The following ARMC8 variants were observed in gnomAD, a reference collection of about 807,000 sequenced individuals.
ARMC8 encodes the protein armadillo repeat-containing protein 8.
ARMC8 carries 20 observed loss-of-function variants against 99.3 expected under a neutral mutation model. The observed-to-expected ratio is 0.20, with a 90% CI of 0.14 to 0.29. ARMC8 has a LOEUF of 0.29. Among genes scored for constraint, ARMC8 ranks in the 10% least tolerant of loss-of-function variants. The probability of loss-of-function intolerance (pLI) is 1.00; values close to 1 mark genes in which losing one functional copy is unlikely to be tolerated. For synonymous variants in ARMC8, 263 were observed against 278.3 expected, an observed-to-expected ratio of 0.95 and a Z score of 0.55; for missense variants, 569 against 809.5, an observed-to-expected ratio of 0.70 and a Z score of 3.60.
At chr3:138,205,331 G>C (rs1263480515) in intron 1 of ARMC8, among the ~76,000 whole-genome samples, 1 of 151,894 alleles carries the variant, frequency 6.6e-6, no homozygotes, top group Non-Finnish European at 1.5e-5. Flanking sequence ...TTACAGGCGT[G>C]AGCCACCACG....
chr3:138,267,934 A>C (rs1341921726), intron 15 of ARMC8, among the ~76,000 whole-genome samples: 1 of 152,142 alleles, frequency 6.6e-6, no homozygotes, highest in Non-Finnish European at 1.5e-5. Flanking sequence ...TAATTAAGAA[A>C]GGTAGTATTA....
At chr3:138,223,253 TA>T in intron 3 of ARMC8, 135 bp from the exon 4 acceptor site, 1 of 729,264 alleles carries the variant, frequency 1.4e-6, no homozygotes, top group Non-Finnish European at 2.2e-6. Flanking sequence ...GCAGATGAGA[TA>T]AACAAATGAC....
rs145550266 is a variant in ARMC8 at position 138,267,983 on chromosome 3, G to A, written c.1386+742G>A. Among the ~76,000 whole-genome samples, 13 of 152,176 alleles carry A rather than the reference G, an allele frequency of 8.5e-5. No homozygotes were observed. In the East Asian group the frequency reaches 1.5e-3, roughly 18 times the overall value. On this transcript the variant is annotated intron_variant, in intron 15 of 21. Transcript: ENST00000469044. ...TCTGGCCAGGCACGGTGGTTCATGC[G>A]TGTAAACCCAGCAGTTTGGGAGGCC...
intron 16 of ARMC8, 114 bp downstream of exon 16, chr3:138,270,246 G>C: frequency 2.4e-6 from 2 of 838,110 alleles, no homozygotes; most frequent in Non-Finnish European, 3.7e-6. Flanking sequence ...CAAAAATCTG[G>C]CTATTTTGTT....
chr3:138,206,684 TGAAA>T (rs2044390001), intron 1 of ARMC8, among the ~76,000 whole-genome samples: 1 of 152,142 alleles, frequency 6.6e-6, no homozygotes, highest in Admixed American at 6.6e-5. Context: ...GGCTGCCTTC[TGAAA>T]GAAGAGAGAA....
At chr3:138,226,269 C>T (rs1376727254) in intron 5 of ARMC8, among the ~76,000 whole-genome samples, 1 of 152,210 alleles carries the variant, frequency 6.6e-6, no homozygotes, top group African/African-American at 2.4e-5. Flanking sequence ...GTTGGGATTA[C>T]AGGCGTGAGC....
At chr3:138,198,493 TTTA>T (rs139933871) in intron 1 of ARMC8, among the ~76,000 whole-genome samples, 1,668 of 146,430 alleles carry the variant, frequency 0.011, 18 homozygotes, top group African/African-American at 0.031. Flanking sequence ...TTGTATATTC[TTTA>T]TTATTATTAT....
chr3:138,246,530 T>A, intron 12 of ARMC8: 1 of 985,684 alleles, frequency 1.0e-6, no homozygotes, highest in Non-Finnish European at 1.2e-6. Flanking sequence ...GTAACTTAAA[T>A]ACACAATTAT....
At chr3:138,251,118 CACTGTACT>C (rs1010498470) in intron 12 of ARMC8, among the ~76,000 whole-genome samples, 1 of 151,748 alleles carries the variant, frequency 6.6e-6, no homozygotes, top group Non-Finnish European at 1.5e-5. Context: ...ACTGTCACAC[CACTGTACT>C]ACTGCACTAC....
chr3:138,213,951 A>C (rs765420670), intron 2 of ARMC8, among the ~76,000 whole-genome samples: 1 of 152,090 alleles, frequency 6.6e-6, no homozygotes, highest in Non-Finnish European at 1.5e-5. Flanking sequence ...CCTTGAACCC[A>C]GGAGTTCCAG....
At chr3:138,210,016 GA>G in intron 2 of ARMC8, 123 bp downstream of exon 2, 2 of 604,922 alleles carry the variant, frequency 3.3e-6, no homozygotes, top group Non-Finnish European at 5.6e-6. Flanking sequence ...CTTCTTTCTA[GA>G]AAGACTGCTT....
chr3:138,279,908 CT>C (rs888601409), intron 18 of ARMC8, among the ~76,000 whole-genome samples: 3 of 148,848 alleles, frequency 2.0e-5, no homozygotes, highest in Admixed American at 6.7e-5. Context: ...TTGGTAATTC[CT>C]TTTTTTTTTC....
chr3:138,267,249 TTGA>T lies in ARMC8; in HGVS notation c.1386+10_1386+12del. 6.6e-7 allele frequency: 1 copy of T among 1,517,958 alleles called. No homozygotes were observed. The highest frequency in any genetic ancestry group is 9.0e-7 in the Non-Finnish European group (1 of 1,116,976). The allele number at this position is 1,517,958 out of a possible 1,614,324, so 94.0% of individuals were successfully genotyped here. On this transcript the variant is annotated intron_variant, in intron 15 of 21. Coordinates refer to ENST00000469044, the MANE Select transcript of ARMC8 (RefSeq NM_001363941.2). ...TTTTCTCCAAGCAAAGAGGTTAGTA[TTGA>T]TTTTCTTTTCCTAGACTTTGCCCAG...
At chr3:138,222,034 A>G in intron 3 of ARMC8, 37 bp downstream of exon 3, 1 of 1,510,784 alleles carries the variant, frequency 6.6e-7, no homozygotes, top group Middle Eastern at 1.7e-4. Flanking sequence ...TGCCATTCAT[A>G]CTAGTTTCTA....
At chr3:138,211,428 G>T (rs2044690806) in intron 2 of ARMC8, among the ~76,000 whole-genome samples, 1 of 152,146 alleles carries the variant, frequency 6.6e-6, no homozygotes, top group African/African-American at 2.4e-5. Flanking sequence ...TTCGAATGTT[G>T]TCACTTTGAG....
Position 138,248,186 on chromosome 3 carries a change from G to A in ARMC8, c.1134+3003G>A, listed in dbSNP as rs73867051. Among the ~76,000 whole-genome samples, 543 of 152,280 alleles carry A rather than the reference G, an allele frequency of 3.6e-3. 4 individuals carry two copies. Among genetic ancestry groups the A allele is most frequent in the African/African-American group, 0.012 (480 of 41,550 alleles). On this transcript the variant is annotated intron_variant, in intron 12 of 21. Coordinates refer to ENST00000469044, the MANE Select transcript of ARMC8 (RefSeq NM_001363941.2). Reference sequence around the variant, plus strand: ...ACTGTGACATGAAGAGGGAGAAGAAGCCCCAGAAAAGATGGAGGATCACTG... The same window carrying A: ...ACTGTGACATGAAGAGGGAGAAGAAACCCCAGAAAAGATGGAGGATCACTG...
At chr3:138,235,177 C>G in intron 7 of ARMC8, 63 bp downstream of exon 7, 1 of 1,127,166 alleles carries the variant, frequency 8.9e-7, no homozygotes, top group East Asian at 2.4e-5. Context: ...GAAACAGACC[C>G]ACATATTTTT....
intron 12 of ARMC8, among the ~76,000 whole-genome samples, chr3:138,263,286 C>T (rs917128653): frequency 6.6e-6 from 1 of 152,214 alleles, no homozygotes; most frequent in African/African-American, 2.4e-5. Flanking sequence ...AAGTTTCAGT[C>T]GGTTGGTAAG....
chr3:138,252,288 C>T (rs1277611241), intron 12 of ARMC8, among the ~76,000 whole-genome samples: 1 of 151,982 alleles, frequency 6.6e-6, no homozygotes, highest in Non-Finnish European at 1.5e-5. Flanking sequence ...GCCGTACGAC[C>T]TTGTTGGTTT....
Sources: allele counts gnomAD v4.1 joint callset (sites outside exome capture counted in the v4.1 genomes callset), GRCh38; gene constraint gnomAD v4.1.1; transcripts MANE v1.5; gene names NCBI Gene and HGNC (gene_info 2026-07-23, HGNC 2026-07-21).